Variants in PTPRD observed in about 807,000 individuals in gnomAD.
PTPRD encodes the protein receptor-type tyrosine-protein phosphatase delta.
PTPRD carries 34 observed loss-of-function variants against 214.5 expected under a neutral mutation model. The ratio of observed to expected loss-of-function variants is 0.16; its 90% CI spans 0.12 to 0.21. The LOEUF (loss-of-function observed/expected upper bound fraction) is 0.21. Among genes scored for constraint, PTPRD ranks in the 10% least tolerant of loss-of-function variants. The pLI is 1.00. For missense variants in PTPRD, 2,545 were observed against 2,398.7 expected, an observed-to-expected ratio of 1.06 and a Z score of -1.27; for synonymous variants, 1,128 against 845.7, an observed-to-expected ratio of 1.33 and a Z score of -5.79.
Position 8,503,186 on chromosome 9 carries a change from T to G in PTPRD, c.1822+1075A>C, listed in dbSNP as rs574552678. 7.9e-5 allele frequency among the ~76,000 whole-genome samples: 12 copies of G among 152,208 alleles called. No individual in the cohort carries two copies. In the East Asian group the frequency reaches 2.3e-3, roughly 29 times the overall value. On this transcript the variant is annotated intron_variant, in intron 23 of 45. Transcript: ENST00000381196. ...TTATTATCAAAAAACCCTGAAAGTT[T>G]TCAAGTTTCTATAGAAAATGAAATG...
chr9:10,173,059 A>T (rs2099220835), intron 3 of PTPRD, among the ~76,000 whole-genome samples: 1 of 152,228 alleles, frequency 6.6e-6, no homozygotes, highest in Non-Finnish European at 1.5e-5. Flanking sequence ...CAAATAATTC[A>T]TATTACAGAA....
intron 35 of PTPRD, among the ~76,000 whole-genome samples, chr9:8,410,929 G>A (rs1007369913): frequency 6.6e-6 from 1 of 152,002 alleles, no homozygotes; most frequent in Admixed American, 6.6e-5. Context: ...AATATCTGAG[G>A]TAAACTTTTG....
rs776562233 is a variant in PTPRD, at chr9:8,440,672, G to A, written c.3989-3983C>T. Reference sequence around the variant, plus strand: ...TTAAGACTTTTTATTTTGAAGCTATGATCTCCACAATATAGAGTCAACATG... The same window carrying A: ...TTAAGACTTTTTATTTTGAAGCTATAATCTCCACAATATAGAGTCAACATG... On this transcript the variant is annotated intron_variant, in intron 34 of 45. Coordinates refer to ENST00000381196, the MANE Select transcript of PTPRD (RefSeq NM_002839.4). 5.7e-4 allele frequency among the ~76,000 whole-genome samples: 87 copies of A among 152,148 alleles called. 1 individual carries two copies. The highest frequency in any genetic ancestry group is 2.6e-4 in the Non-Finnish European group (18 of 68,040).
Position 9,658,840 on chromosome 9 carries a change from G to A in PTPRD, c.-287+75693C>T, listed in dbSNP as rs530934218. 2.0e-5 allele frequency among the ~76,000 whole-genome samples: 3 copies of A among 152,106 alleles called. No homozygotes were observed. The East Asian group carries it at 5.8e-4, about 29-fold the overall frequency. On this transcript the variant is annotated intron_variant, in intron 7 of 45. Coordinates refer to ENST00000381196, the MANE Select transcript of PTPRD (RefSeq NM_002839.4). ...TTTAATTGTCACAACAATTCTTGGT[G>A]CTTGTTATTATTGCTTATATTGAAC...
chr9:8,834,128 C>A lies in PTPRD; in HGVS notation c.-103-100182G>T, dbSNP rs1247780575. ...AATTTCTTCCCTTCATAGTCACCTA[C>A]TTTCATTTATTTACTATTACACTAG... On this transcript the variant is annotated intron_variant, in intron 11 of 45. Coordinates refer to ENST00000381196, the MANE Select transcript of PTPRD (RefSeq NM_002839.4). Among the ~76,000 whole-genome samples, 3 of 152,166 alleles carry A rather than the reference C, an allele frequency of 2.0e-5. No individual in the cohort carries two copies. In the East Asian group the frequency reaches 5.8e-4, roughly 29 times the overall value.
intron 10 of PTPRD, among the ~76,000 whole-genome samples, chr9:9,116,846 A>T (rs932633852): frequency 1.1e-4 from 16 of 152,236 alleles, no homozygotes; most frequent in African/African-American, 3.4e-4. Context: ...TGCTTGCCAC[A>T]GTTTGTAATT....
chr9:9,899,943 CAA>C (rs1218478053), intron 5 of PTPRD, among the ~76,000 whole-genome samples: 1 of 151,846 alleles, frequency 6.6e-6, no homozygotes. Flanking sequence ...GCCAAGCACA[CAA>C]AGACACATGA....
At position 8,544,053 on chromosome 9, in the gene PTPRD, C is replaced by T. The variant is rs953987200; in HGVS notation, c.353-15274G>A. ...TTTTATTTTCATGGATATCATAGCC[C>T]ACCATAGTACTGGTTTTTGGGGGTT... On this transcript the variant is annotated intron_variant, in intron 14 of 45. Transcript: ENST00000381196. 5.3e-5 allele frequency among the ~76,000 whole-genome samples: 8 copies of T among 152,060 alleles called. No individual in the cohort carries two copies. In the East Asian group the frequency reaches 1.5e-3, roughly 29 times the overall value.
At chr9:10,595,731 A>G (rs1317892776) in intron 2 of PTPRD, among the ~76,000 whole-genome samples, 1 of 151,668 alleles carries the variant, frequency 6.6e-6, no homozygotes, top group Non-Finnish European at 1.5e-5. Flanking sequence ...GCACATCTTA[A>G]AGTGGATTTT....
chr9:9,953,076 G>T (rs73643835), intron 4 of PTPRD, among the ~76,000 whole-genome samples: 1 of 152,036 alleles, frequency 6.6e-6, no homozygotes, highest in Non-Finnish European at 1.5e-5. Context: ...AAATGCAAAA[G>T]GTGGTGACCC....
At chr9:8,426,949 C>T (rs903529794) in intron 35 of PTPRD, among the ~76,000 whole-genome samples, 10 of 152,092 alleles carry the variant, frequency 6.6e-5, no homozygotes, top group South Asian at 2.1e-4. Context: ...CATAGACATA[C>T]GCCCTGTTTT....
At chr9:10,052,003 G>A (rs1426328791) in intron 3 of PTPRD, among the ~76,000 whole-genome samples, 1 of 152,098 alleles carries the variant, frequency 6.6e-6, no homozygotes, top group Admixed American at 6.6e-5. Flanking sequence ...GGAGTACAGT[G>A]TTGTGATCAC....
At chr9:10,358,231 T>C (rs1177824671) in intron 2 of PTPRD, among the ~76,000 whole-genome samples, 3 of 152,122 alleles carry the variant, frequency 2.0e-5, no homozygotes, top group Middle Eastern at 3.2e-3. Context: ...AACAGTGTTT[T>C]GTCTTCATCA....
At chr9:9,863,037 T>A (rs1203433109) in intron 5 of PTPRD, among the ~76,000 whole-genome samples, 2 of 152,202 alleles carry the variant, frequency 1.3e-5, no homozygotes, top group Non-Finnish European at 2.9e-5. Context: ...TTGTAGCTCT[T>A]TTTTGAGATT....
intron 39 of PTPRD, among the ~76,000 whole-genome samples, chr9:8,361,666 A>C (rs1211236383): frequency 6.6e-6 from 1 of 152,202 alleles, no homozygotes; most frequent in Non-Finnish European, 1.5e-5. Context: ...GTTTCTTTGA[A>C]AAACAGAAAA....
intron 8 of PTPRD, among the ~76,000 whole-genome samples, chr9:9,557,369 C>A (rs918024278): frequency 6.6e-6 from 1 of 152,144 alleles, no homozygotes; most frequent in African/African-American, 2.4e-5. Context: ...CGAACTCCAA[C>A]CTAACTCTAA....
chr9:8,771,975 TA>T (rs920815981), intron 11 of PTPRD, among the ~76,000 whole-genome samples: 2 of 151,932 alleles, frequency 1.3e-5, no homozygotes, highest in African/African-American at 4.8e-5. Flanking sequence ...GAATAATTAC[TA>T]AAAAAAGAAT....
Position 9,834,047 on chromosome 9 carries a change from C to A in PTPRD, c.-367-67196G>T, listed in dbSNP as rs549437417. 2.9e-4 allele frequency among the ~76,000 whole-genome samples: 44 copies of A among 152,126 alleles called. No homozygotes were observed. In the East Asian group the frequency reaches 8.4e-3, roughly 29 times the overall value. On this transcript the variant is annotated intron_variant, in intron 5 of 45. Transcript: ENST00000381196. ...GCATAGGAAATCACAAGGTTATTGA[C>A]TGGGGAAGTGATAAGTGTCCATGAA...
intron 3 of PTPRD, among the ~76,000 whole-genome samples, chr9:10,163,915 C>G (rs1231182450): frequency 2.6e-5 from 4 of 151,346 alleles, no homozygotes; most frequent in African/African-American, 7.2e-5. Flanking sequence ...CTTTTTATTT[C>G]ATATTTTGCC....
Sources: gnomAD v4.1 joint callset for allele counts (sites outside exome capture counted in the v4.1 genomes callset) on GRCh38, gnomAD v4.1.1 for gene constraint, MANE v1.5 for transcripts, NCBI Gene and HGNC (gene_info 2026-07-23, HGNC 2026-07-21) for gene names.